The following PDE6C variants were observed in gnomAD, a reference collection of about 807,000 sequenced individuals.
PDE6C encodes the protein phosphodiesterase 6C.
A neutral mutation model predicts 113.1 loss-of-function variants in PDE6C; 75 were observed. The ratio of observed to expected loss-of-function variants is 0.66; its 90% confidence interval spans 0.55 to 0.80. PDE6C has a LOEUF of 0.80. Among genes scored for constraint, PDE6C ranks in the 30% least tolerant of loss-of-function variants. The pLI is 0.00. For missense variants in PDE6C, 912 were observed against 1,038.6 expected, an observed-to-expected ratio of 0.88 and a Z score of 1.67; for synonymous variants, 375 against 363.7, an observed-to-expected ratio of 1.03 and a Z score of -0.35.
intron 7 of PDE6C, among the ~76,000 whole-genome samples, chr10:93,627,146 C>T (rs1381883785): frequency 6.7e-6 from 1 of 149,926 alleles, no homozygotes; most frequent in East Asian, 2.0e-4. Flanking sequence ...CCTGTAATGC[C>T]AGCTACTTGG....
intron 14 of PDE6C, among the ~76,000 whole-genome samples, chr10:93,643,618 T>C (rs572534292): frequency 6.6e-6 from 1 of 151,690 alleles, no homozygotes; most frequent in African/African-American, 2.4e-5. Context: ...GTTGAACTCC[T>C]GGGCTCAAGC....
In PDE6C at chr10:93,640,570, G is replaced by GGCT; in HGVS notation, c.1737+15_1737+17dup. On this transcript the variant is annotated intron_variant, in intron 13 of 21. Transcript: ENST00000371447. ...TACTTTGCTGATGGTAGGTACAGAG[G>GGCT]GCTGTAAATCCTTGTAAACCTGCAG... 6.5e-7 allele frequency: 1 copy of GGCT among 1,539,356 alleles called. No individual in the cohort carries two copies. The highest frequency in any genetic ancestry group is 9.0e-7 in the Non-Finnish European group (1 of 1,111,816).
chr10:93,630,647 C>T (rs1004987547), intron 8 of PDE6C, among the ~76,000 whole-genome samples: 1 of 152,086 alleles, frequency 6.6e-6, no homozygotes, highest in African/African-American at 2.4e-5. Context: ...CGGTGGGTAC[C>T]GTTGGGGTCT....
Position 93,622,086 on chromosome 10 carries a change from T to C in PDE6C, c.864+14T>C, listed in dbSNP as rs766943177. On this transcript the variant is annotated intron_variant, in intron 4 of 21. Transcript: ENST00000371447. Reference sequence around the variant, plus strand: ...ACCAAGGAGAAGGTTCTTATTATTCTACACATTTTGTCTCATCTCACATCG... The same window carrying C: ...ACCAAGGAGAAGGTTCTTATTATTCCACACATTTTGTCTCATCTCACATCG... The C allele has an allele frequency of 2.5e-6, 4 of 1,613,076 alleles. No homozygotes were observed. The East Asian group carries it at 8.9e-5, about 36-fold the overall frequency.
At chr10:93,626,216 G>A (rs2058472362) in intron 5 of PDE6C, among the ~76,000 whole-genome samples, 1 of 152,154 alleles carries the variant, frequency 6.6e-6, no homozygotes, top group Non-Finnish European at 1.5e-5. Context: ...TGAAAGGAGG[G>A]TACGGGTCAC....
rs2133881191 is a variant in PDE6C, at chr10:93,665,549, A to T, written c.*131A>T. On this transcript the variant is annotated 3_prime_UTR_variant, in exon 22 of 22. Coordinates refer to ENST00000371447, the MANE Select transcript of PDE6C (RefSeq NM_006204.4). ...AAACTACCCTGTGACTATGAAGAAA[A>T]TATATATTGCTAGCCCAAAAATCCC... 1.4e-6 allele frequency: 1 copy of T among 704,704 alleles called. No homozygotes were observed. Among genetic ancestry groups the T allele is most frequent in the East Asian group, 2.7e-5 (1 of 36,964 alleles). The allele number at this position is 704,704 out of a possible 1,614,324, so 43.7% of individuals were successfully genotyped here.
chr10:93,631,372 C>G (rs566932828), intron 8 of PDE6C, among the ~76,000 whole-genome samples: 2 of 152,348 alleles, frequency 1.3e-5, no homozygotes, highest in African/African-American at 4.8e-5. Context: ...CAATTGGTAA[C>G]TAAGTGTGGC....
chr10:93,612,882 C>T lies in PDE6C; in HGVS notation c.157C>T (p.Leu53=). The T allele has an allele frequency of 6.2e-7, 1 of 1,614,100 alleles. No homozygotes were observed. The highest frequency in any genetic ancestry group is 8.5e-7 in the Non-Finnish European group (1 of 1,180,038). ...PVQSSMSFSE[L]TQVEESALCL... ...CCAGTCCAGCATGTCCTTCTCTGAG[C>T]TGACCCAGGTGGAGGAGTCAGCCCT... Residue 53 remains leucine, a synonymous_variant, in exon 1 of 22, where the codon CTG becomes TTG. Coordinates refer to ENST00000371447, the MANE Select transcript of PDE6C (RefSeq NM_006204.4).
intron 11 of PDE6C, among the ~76,000 whole-genome samples, chr10:93,639,197 T>A (rs1204761269): frequency 1.3e-5 from 2 of 152,186 alleles, no homozygotes; most frequent in Non-Finnish European, 2.9e-5. Context: ...GCTGCATGCA[T>A]GTCCCTCCAG....
intron 20 of PDE6C, 26 bp downstream of exon 20, chr10:93,662,669 AATAC>A: frequency 9.8e-7 from 1 of 1,025,424 alleles, no homozygotes; most frequent in Non-Finnish European, 1.6e-6. Context: ...ATTTGAATTA[AATAC>A]ATAAACATTT....
intron 1 of PDE6C, among the ~76,000 whole-genome samples, chr10:93,615,531 G>A (rs1223309): frequency 0.69 from 104,427 of 151,934 alleles, 36,244 homozygotes; most frequent in African/African-American, 0.72. Context: ...ACAGAGGTGC[G>A]CCACTATGCC....
chr10:93,663,216 C>T lies in PDE6C; in HGVS notation c.2518+38C>T, dbSNP rs532961604. 35 of 1,601,314 alleles carry T rather than the reference C, an allele frequency of 2.2e-5. 1 individual carries two copies. In the African/African-American group the frequency reaches 4.3e-4, roughly 20 times the overall value. On this transcript the variant is annotated intron_variant, in intron 21 of 21. Transcript: ENST00000371447. Reference sequence around the variant, plus strand: ...CTGTTTTTGCTCCCTGTAATGTAGCCAGAAGCTAGGCTGAGCTTAATGGCA... The same window carrying T: ...CTGTTTTTGCTCCCTGTAATGTAGCTAGAAGCTAGGCTGAGCTTAATGGCA...
At chr10:93,640,843 A>C (rs2058556054) in intron 13 of PDE6C, 77 bp from the exon 14 acceptor site, 2 of 952,658 alleles carry the variant, frequency 2.1e-6, no homozygotes, top group Non-Finnish European at 3.3e-6. Flanking sequence ...CCTATTCTCT[A>C]TTGCAGGCTG....
chr10:93,637,152 G>A lies in PDE6C; in HGVS notation c.1482+89G>A, dbSNP rs191863783. On this transcript the variant is annotated intron_variant, in intron 11 of 21. Transcript: ENST00000371447. ...TAGGACATGCTTTCTTGTTTTTCAA[G>A]TAAATGTTGAGTTTTCTCTTTCCTG... 860 of 731,438 alleles carry A rather than the reference G, an allele frequency of 1.2e-3. 5 individuals carry two copies. The African/African-American group carries it at 0.013, about 11-fold the overall frequency. The allele number at this position is 731,438 out of a possible 1,614,324, so 45.3% of individuals were successfully genotyped here. A position where few individuals can be genotyped will look rare whatever the true frequency, so the allele number is the denominator to read the frequency against.
At chr10:93,623,902 T>C (rs982350179) in intron 4 of PDE6C, among the ~76,000 whole-genome samples, 2 of 152,170 alleles carry the variant, frequency 1.3e-5, no homozygotes, top group Non-Finnish European at 2.9e-5. Context: ...GATTTTGTTC[T>C]TCTTGTCAGC....
At chr10:93,623,449 A>C (rs2058458138) in intron 4 of PDE6C, among the ~76,000 whole-genome samples, 2 of 152,140 alleles carry the variant, frequency 1.3e-5, no homozygotes, top group Non-Finnish European at 2.9e-5. Flanking sequence ...TGCAGAGCAG[A>C]AGGTTTTAAT....
chr10:93,664,867 T>TTTAA (rs946794375), intron 21 of PDE6C, among the ~76,000 whole-genome samples: 6 of 152,126 alleles, frequency 3.9e-5, no homozygotes, highest in African/African-American at 1.2e-4. Context: ...TTTTTATTTA[T>TTTAA]TTAATTTATT....
At chr10:93,639,639 C>T (rs2058549609) in intron 11 of PDE6C, among the ~76,000 whole-genome samples, 1 of 152,180 alleles carries the variant, frequency 6.6e-6, no homozygotes, top group South Asian at 2.1e-4. Flanking sequence ...GGGAAACTGT[C>T]ACTGAGCACA....
intron 10 of PDE6C, 146 bp downstream of exon 10, chr10:93,635,786 G>A (rs2058526195): frequency 2.4e-6 from 2 of 848,526 alleles, no homozygotes; most frequent in Non-Finnish European, 3.8e-6. Context: ...GTTGGAAGAA[G>A]ACATGGATGG....
Sources: gnomAD v4.1 joint callset for allele counts (sites outside exome capture counted in the v4.1 genomes callset) on GRCh38, gnomAD v4.1.1 for gene constraint, MANE v1.5 for transcripts, NCBI Gene and HGNC (gene_info 2026-07-23, HGNC 2026-07-21) for gene names.